The following GRK5 variants were observed in gnomAD, a reference collection of about 807,000 sequenced individuals.
The protein encoded by GRK5 is G protein-coupled receptor kinase 5, also known as g protein-coupled receptor kinase GRK5.
In GRK5, 40 loss-of-function variants were observed where a neutral mutation model predicts 78.4. The ratio of observed to expected loss-of-function variants is 0.51; its 90% CI spans 0.40 to 0.66. GRK5 has a LOEUF of 0.66. Among genes scored for constraint, GRK5 ranks in the 30% least tolerant of loss-of-function variants. The pLI, the probability that GRK5 is intolerant of heterozygous loss-of-function variation, is 0.00. For missense variants in GRK5, 598 were observed against 759.9 expected (o/e 0.79, Z 2.50); for synonymous variants, 289 against 296.8 (o/e 0.97, Z 0.27).
Position 119,412,624 on chromosome 10 carries a change from G to A in GRK5, c.340-10542G>A, listed in dbSNP as rs1589796129. On this transcript the variant is annotated intron_variant, in intron 4 of 15. Transcript: ENST00000392870. This position sits in a 1 kb window ranked among gnomAD's most constrained non-coding sequence, Gnocchi z 4.3. ...AGGAACCACTCCAGACGGACGTGAG[G>A]GTGTGTGGCAGTGGCTTTTCCACAT... Among the ~76,000 whole-genome samples the A allele has an allele frequency of 6.6e-6, 1 of 152,184 alleles. No individual in the cohort carries two copies. Among genetic ancestry groups the A allele is most frequent in the African/African-American group, 2.4e-5 (1 of 41,442 alleles).
intron 1 of GRK5, among the ~76,000 whole-genome samples, chr10:119,225,702 G>T (rs1323778392): frequency 2.1e-5 from 3 of 139,762 alleles, no homozygotes; most frequent in Non-Finnish European, 3.0e-5. Flanking sequence ...ATAGAGTCTC[G>T]CTCTGTCACC....
intron 1 of GRK5, among the ~76,000 whole-genome samples, chr10:119,213,419 G>A (rs552294921): frequency 2.6e-5 from 4 of 152,266 alleles, no homozygotes; most frequent in African/African-American, 9.6e-5. Context: ...GCTGAGGCAG[G>A]AGAATCACTT....
At chr10:119,397,313 T>C (rs76677652) in intron 4 of GRK5, among the ~76,000 whole-genome samples, 1 of 152,324 alleles carries the variant, frequency 6.6e-6, no homozygotes, top group African/African-American at 2.4e-5. Context: ...CGGGGTACCA[T>C]TGTCCTCAGG....
chr10:119,231,717 A>G (rs993623211), intron 1 of GRK5, among the ~76,000 whole-genome samples: 1 of 151,858 alleles, frequency 6.6e-6, no homozygotes, highest in East Asian at 1.9e-4. Flanking sequence ...AAAAAAAAAA[A>G]AAAAAAGAAA....
chr10:119,344,966 CCTTT>C (rs560462838), intron 2 of GRK5, among the ~76,000 whole-genome samples: 1 of 139,492 alleles, frequency 7.2e-6, no homozygotes, highest in Non-Finnish European at 1.5e-5. Flanking sequence ...CTCGCTCCTT[CCTTT>C]CTTTTTCTTT....
intron 1 of GRK5, among the ~76,000 whole-genome samples, chr10:119,233,466 A>G (rs1848864219): frequency 6.6e-6 from 1 of 152,068 alleles, no homozygotes; most frequent in Admixed American, 6.6e-5. Flanking sequence ...GCCACAGCCT[A>G]TCTGAGAATA....
At chr10:119,385,866 T>C (rs1002305869) in intron 3 of GRK5, among the ~76,000 whole-genome samples, 1 of 151,702 alleles carries the variant, frequency 6.6e-6, no homozygotes, top group Non-Finnish European at 1.5e-5. Flanking sequence ...AAATGGAAAA[T>C]TGGGAGTTGT....
intron 1 of GRK5, among the ~76,000 whole-genome samples, chr10:119,283,967 A>G (rs1317448903): frequency 6.6e-6 from 1 of 152,246 alleles, no homozygotes; most frequent in African/African-American, 2.4e-5. Flanking sequence ...GTAACTGCAC[A>G]TCTGTCTGAT....
At position 119,459,121 on chromosome 10, in the gene GRK5, T is replaced by G. The variant is rs1853444323; in HGVS notation, c.*4054T>G. ...CTGTGGAAAGATAGTGAGTATGAAG[T>G]CTTTGTGCATTTGGAAGTGACATCG... On this transcript the variant is annotated 3_prime_UTR_variant, in exon 16 of 16. Transcript: ENST00000392870. 6.6e-6 allele frequency: 1 copy of G among 152,328 alleles called. No individual in the cohort carries two copies. Among genetic ancestry groups the G allele is most frequent in the East Asian group, 1.9e-4 (1 of 5,188 alleles). The allele number at this position is 152,328 out of a possible 1,614,324, so 9.4% of individuals were successfully genotyped here.
In GRK5 at chr10:119,207,871, C is replaced by T. The variant is rs781507167; in HGVS notation, c.-47C>T. ...GCAGCAGCAGCGGCAGCACCCCAGG[C>T]GCTGACAGCCCCGCCGGCCGGCTCC... is the stretch of plus-strand genomic sequence containing the variant. On this transcript the variant is annotated 5_prime_UTR_variant, in exon 1 of 16. Transcript: ENST00000392870. 3 of 1,545,492 alleles carry T rather than the reference C, an allele frequency of 1.9e-6. No individual in the cohort carries two copies. The highest frequency in any genetic ancestry group is 3.8e-5 in the Admixed American group (2 of 52,942).
Position 119,453,278 on chromosome 10 carries a change from T to A in GRK5, c.1674+2T>A. On this transcript the variant is annotated splice_donor_variant, in intron 15 of 15. Coordinates refer to ENST00000392870, the MANE Select transcript of GRK5 (RefSeq NM_005308.3). LOFTEE classifies it high-confidence loss of function. The stretch of plus-strand genomic sequence containing the variant: ...CTCCAGAGACTCTTCAAGCGGCAGG[T>A]GAGACACCCATGCCTGGCCAGTCCT... The A allele has an allele frequency of 6.2e-7, 1 of 1,613,770 alleles. No individual in the cohort carries two copies. The highest frequency in any genetic ancestry group is 2.2e-5 in the East Asian group (1 of 44,864).
At chr10:119,363,831 G>T (rs763384233) in intron 2 of GRK5, among the ~76,000 whole-genome samples, 1 of 152,208 alleles carries the variant, frequency 6.6e-6, no homozygotes, top group African/African-American at 2.4e-5. Context: ...TGCAGAGGTG[G>T]CAGGGAAGTC....
chr10:119,444,207 G>C (rs1853098771), intron 12 of GRK5, among the ~76,000 whole-genome samples: 1 of 152,156 alleles, frequency 6.6e-6, no homozygotes, highest in Non-Finnish European at 1.5e-5. Flanking sequence ...GACGATTTCA[G>C]TCTTTGAACA....
intron 1 of GRK5, among the ~76,000 whole-genome samples, chr10:119,258,727 G>T (rs1214056232): frequency 2.0e-5 from 3 of 152,178 alleles, no homozygotes; most frequent in Non-Finnish European, 4.4e-5. Flanking sequence ...TTATCCGGGG[G>T]TCAATGCCAG....
chr10:119,309,998 G>T, intron 1 of GRK5, among the ~76,000 whole-genome samples: 1 of 152,140 alleles, frequency 6.6e-6, no homozygotes. Flanking sequence ...GGAGCATGGA[G>T]GCCACAGCCT....
chr10:119,324,232 G>A (rs989691212), intron 1 of GRK5, among the ~76,000 whole-genome samples: 6 of 152,256 alleles, frequency 3.9e-5, no homozygotes, highest in Middle Eastern at 3.2e-3. Context: ...ATTCTGCTCA[G>A]GCTGGGGTCT....
At chr10:119,451,545 G>A (rs1853286444) in intron 13 of GRK5, among the ~76,000 whole-genome samples, 1 of 152,196 alleles carries the variant, frequency 6.6e-6, no homozygotes, top group South Asian at 2.1e-4. Context: ...TGTGAATGAT[G>A]TGGTCTTGCT....
intron 1 of GRK5, among the ~76,000 whole-genome samples, chr10:119,242,665 A>C (rs983919445): frequency 6.6e-6 from 1 of 151,826 alleles, no homozygotes; most frequent in African/African-American, 2.4e-5. Flanking sequence ...AAATTGAATC[A>C]TGGGGATGGT....
chr10:119,390,030 G>C (rs1851863257), intron 3 of GRK5, among the ~76,000 whole-genome samples: 1 of 152,192 alleles, frequency 6.6e-6, no homozygotes, highest in African/African-American at 2.4e-5. Flanking sequence ...AAGAGTAATG[G>C]GGAAAGTTAA....
Sources: allele counts gnomAD v4.1 joint callset (sites outside exome capture counted in the v4.1 genomes callset), GRCh38; gene constraint gnomAD v4.1.1; non-coding constraint Gnocchi (gnomAD v3.1); transcripts MANE v1.5; gene names NCBI Gene and HGNC (gene_info 2026-07-23, HGNC 2026-07-21).